NTN1: variants seen among roughly 807,000 people sequenced by gnomAD.
The protein encoded by NTN1 is netrin-1.
Under a neutral mutation model 54.2 loss-of-function variants are expected in NTN1, and 11 were observed. That is an observed-to-expected ratio of 0.20 (90% CI 0.13 to 0.34). The LOEUF is 0.34. Among genes scored for constraint, NTN1 ranks in the 10% least tolerant of loss-of-function variants. The pLI is 1.00. For missense variants in NTN1, 740 were observed against 893.1 expected (o/e 0.83, Z 2.18); for synonymous variants, 371 against 382.0 (o/e 0.97, Z 0.33).
intron 2 of NTN1, among the ~76,000 whole-genome samples, chr17:9,122,903 G>T (rs2092235786): frequency 6.6e-6 from 1 of 152,086 alleles, no homozygotes; most frequent in Admixed American, 6.6e-5. Context: ...TATTTGTATT[G>T]CATTTTGTGG....
chr17:9,209,605 G>A (rs954505950), intron 5 of NTN1, among the ~76,000 whole-genome samples: 2 of 152,208 alleles, frequency 1.3e-5, no homozygotes, highest in South Asian at 2.1e-4. Context: ...GCCACAACTA[G>A]GGAGGCAGCA....
intron 5 of NTN1, among the ~76,000 whole-genome samples, chr17:9,207,831 C>T (rs1310634779): frequency 6.6e-6 from 1 of 152,254 alleles, no homozygotes; most frequent in African/African-American, 2.4e-5. Flanking sequence ...CAGATATTAG[C>T]TGTACATCTG....
At chr17:9,140,048 T>C (rs2092293146) in intron 2 of NTN1, among the ~76,000 whole-genome samples, 2 of 152,192 alleles carry the variant, frequency 1.3e-5, no homozygotes, top group Admixed American at 1.3e-4. Context: ...TTTTTTTTAA[T>C]GCTGTCCACG....
At chr17:9,218,970 C>T (rs1033968519) in intron 5 of NTN1, among the ~76,000 whole-genome samples, 5 of 151,762 alleles carry the variant, frequency 3.3e-5, no homozygotes, top group Admixed American at 2.0e-4. Flanking sequence ...CCTGCAAGAA[C>T]GTCACTCGGC....
intron 2 of NTN1, among the ~76,000 whole-genome samples, chr17:9,068,441 C>A (rs959046055): frequency 6.6e-6 from 1 of 151,768 alleles, no homozygotes; most frequent in African/African-American, 2.4e-5. Flanking sequence ...TGCATTGGCC[C>A]CCCAAAGCGC....
chr17:9,056,881 G>T (rs1319647465), intron 2 of NTN1, among the ~76,000 whole-genome samples: 1 of 152,198 alleles, frequency 6.6e-6, no homozygotes, highest in Non-Finnish European at 1.5e-5. Flanking sequence ...CAGCATGAAG[G>T]ATGAAAAGAC....
chr17:9,218,971 G>A (rs959766871), intron 5 of NTN1, among the ~76,000 whole-genome samples: 20 of 151,638 alleles, frequency 1.3e-4, no homozygotes, highest in Non-Finnish European at 2.5e-4. Context: ...CTGCAAGAAC[G>A]TCACTCGGCA....
chr17:9,019,856 A>G (rs1200539500), upstream of NTN1, among the ~76,000 whole-genome samples: 1 of 152,220 alleles, frequency 6.6e-6, no homozygotes, highest in East Asian at 1.9e-4. Flanking sequence ...TATTTTATGT[A>G]CCCTTGTAAG....
At position 9,023,078 on chromosome 17, in the gene NTN1, G is replaced by C; in HGVS notation, c.705G>C (p.Ser235=). 1 of 1,573,458 alleles carries C rather than the reference G, an allele frequency of 6.4e-7. No homozygotes were observed. Among genetic ancestry groups the C allele is most frequent in the Non-Finnish European group, 8.6e-7 (1 of 1,160,932 alleles). Residue 235 remains serine, a synonymous_variant, in exon 2 of 7, where the codon TCG becomes TCC. Transcript: ENST00000173229. ...GRPSAHDFDN[S]PVLQDWVTAT... ...CCTCGGCGCACGACTTCGACAACTC[G>C]CCCGTGCTGCAGGACTGGGTCACGG...
chr17:9,081,285 G>A (rs1375363742), intron 2 of NTN1, among the ~76,000 whole-genome samples: 1 of 152,216 alleles, frequency 6.6e-6, no homozygotes, highest in Non-Finnish European at 1.5e-5. Flanking sequence ...TGGGGTGAGT[G>A]TGAGGAGAAG....
In NTN1 at chr17:9,239,623, C is replaced by G; in HGVS notation, c.1487-17C>G. The G allele has an allele frequency of 6.3e-7, 1 of 1,599,176 alleles. No homozygotes were observed. Among genetic ancestry groups the G allele is most frequent in the Non-Finnish European group, 8.6e-7 (1 of 1,168,080 alleles). ...CAGCAGCTGGGAGCCCACCCGTCTG[C>G]CTGTGCTTCCTTGCAGCCGTCCAGA... On this transcript the variant is annotated splice_polypyrimidine_tract_variant and intron_variant, in intron 6 of 6. Coordinates refer to ENST00000173229, the MANE Select transcript of NTN1 (RefSeq NM_004822.3). The surrounding 1 kb of genome is among the most constrained non-coding windows in gnomAD (Gnocchi z 5.2).
intron 5 of NTN1, among the ~76,000 whole-genome samples, chr17:9,189,811 T>G (rs1904403939): frequency 6.6e-6 from 1 of 152,172 alleles, no homozygotes; most frequent in Admixed American, 6.5e-5. Flanking sequence ...CTTTTACAGG[T>G]GCCAGTTAAA....
chr17:9,167,646 G>A (rs892525185), intron 3 of NTN1, among the ~76,000 whole-genome samples: 1 of 152,188 alleles, frequency 6.6e-6, no homozygotes, highest in African/African-American at 2.4e-5. Flanking sequence ...ATTAGCCAGG[G>A]CAAAAGCATG....
intron 2 of NTN1, among the ~76,000 whole-genome samples, chr17:9,075,707 T>C (rs1446049057): frequency 2.6e-5 from 4 of 152,292 alleles, no homozygotes; most frequent in Admixed American, 2.0e-4. Context: ...TTCAGTCCTA[T>C]GGCCTCAGAC....
chr17:9,242,298 G>A lies in NTN1; in HGVS notation c.*2330G>A, dbSNP rs1011405233. Reference sequence around the variant, plus strand: ...TTGGCTTCCCTGAATCCAGCCCAAGGCTAGAAGACAGGGCCCCTCTCCAAG... The same window carrying A: ...TTGGCTTCCCTGAATCCAGCCCAAGACTAGAAGACAGGGCCCCTCTCCAAG... On this transcript the variant is annotated 3_prime_UTR_variant, in exon 7 of 7. Transcript: ENST00000173229. 4 of 152,322 alleles carry A rather than the reference G, an allele frequency of 2.6e-5. No homozygotes were observed. The highest frequency in any genetic ancestry group is 2.9e-5 in the Non-Finnish European group (2 of 68,092). The allele number at this position is 152,322 out of a possible 1,614,324, so 9.4% of individuals were successfully genotyped here.
chr17:9,113,691 T>C (rs4791334), intron 2 of NTN1, among the ~76,000 whole-genome samples: 60,532 of 151,734 alleles, frequency 0.4, 12,849 homozygotes, highest in East Asian at 0.75. Flanking sequence ...AATAGAGATG[T>C]CATATAGGGA....
At chr17:9,183,454 T>C in intron 5 of NTN1, 1 of 391,930 alleles carries the variant, frequency 2.6e-6, no homozygotes, top group Non-Finnish European at 5.2e-6. Flanking sequence ...TAGCATTTCC[T>C]CCATGGCAAA....
rs1031786759 is a variant in NTN1, at chr17:9,135,297, C to G, written c.1019-27516C>G. Among the ~76,000 whole-genome samples, 3 of 152,200 alleles carry G rather than the reference C, an allele frequency of 2.0e-5. No homozygotes were observed. The highest frequency in any genetic ancestry group is 4.4e-5 in the Non-Finnish European group (3 of 68,040). On this transcript the variant is annotated intron_variant, in intron 2 of 6. Transcript: ENST00000173229. This position sits in a 1 kb window ranked among gnomAD's most constrained non-coding sequence, Gnocchi z 4.4. ...GCCACCTGGGTCTGAATGTGTCCCC[C>G]AGACCCAACACCTCTTTGCACAGTC...
In NTN1 at chr17:9,135,179, T is replaced by C. The variant is rs1252256807; in HGVS notation, c.1019-27634T>C. Among the ~76,000 whole-genome samples the C allele has an allele frequency of 6.6e-6, 1 of 152,138 alleles. No homozygotes were observed. The highest frequency in any genetic ancestry group is 1.5e-5 in the Non-Finnish European group (1 of 68,026). On this transcript the variant is annotated intron_variant, in intron 2 of 6. Coordinates refer to ENST00000173229, the MANE Select transcript of NTN1 (RefSeq NM_004822.3). This position sits in a 1 kb window ranked among gnomAD's most constrained non-coding sequence, Gnocchi z 4.4. ...CTCTACCCCATTCCTTTGTCTTTGC[T>C]CACCTTGCCAGTTCTTCCCATCTCC...
Sources: gnomAD v4.1 joint callset for allele counts (sites outside exome capture counted in the v4.1 genomes callset) on GRCh38, gnomAD v4.1.1 for gene constraint, Gnocchi (gnomAD v3.1) non-coding constraint, MANE v1.5 for transcripts, NCBI Gene and HGNC (gene_info 2026-07-23, HGNC 2026-07-21) for gene names.